The following ALG9 variants were observed in gnomAD, a reference collection of about 807,000 sequenced individuals.
ALG9 encodes the protein ALG9 alpha-1,2-mannosyltransferase.
In ALG9, 55 loss-of-function variants were observed where a neutral mutation model predicts 81.8. The ratio of observed to expected loss-of-function variants is 0.67; its 90% CI spans 0.54 to 0.84. The LOEUF (loss-of-function observed/expected upper bound fraction) is 0.84. ALG9 is among the 40% of genes least tolerant of loss of function. The pLI is 0.00. For missense variants in ALG9, 629 were observed against 745.0 expected (o/e 0.84, Z 1.81); for synonymous variants, 278 against 274.3 (o/e 1.01, Z -0.13).
At chr11:111,808,277 C>T (rs1950219308) in intron 14 of ALG9, among the ~76,000 whole-genome samples, 1 of 152,162 alleles carries the variant, frequency 6.6e-6, no homozygotes, top group Non-Finnish European at 1.5e-5. Flanking sequence ...CCAACCGTCC[C>T]TTCCTTGCCA....
Position 111,786,340 on chromosome 11 carries a change from G to C in ALG9, c.*57C>G. 2.5e-6 allele frequency: 4 copies of C among 1,609,988 alleles called. No homozygotes were observed. The highest frequency in any genetic ancestry group is 3.4e-6 in the Non-Finnish European group (4 of 1,177,700). On this transcript the variant is annotated 3_prime_UTR_variant, in exon 15 of 15. Transcript: ENST00000616540. ...ACAGGCGATGACTTGCAGGGAGTCA[G>C]GTCACTGGAATCAATAGTTAACAAG...
chr11:111,870,960 G>T, intron 1 of ALG9: 1 of 1,015,352 alleles, frequency 9.8e-7, no homozygotes, highest in East Asian at 1.0e-4. Context: ...CCAGGGTTTG[G>T]GAAGAGGTGA....
chr11:111,805,115 T>G (rs1411563107), intron 14 of ALG9: 1 of 359,844 alleles, frequency 2.8e-6, no homozygotes, highest in East Asian at 7.6e-5. Flanking sequence ...TATTTGGAGG[T>G]GGGCCTTTGG....
intron 14 of ALG9, among the ~76,000 whole-genome samples, chr11:111,806,966 C>A (rs1950017106): frequency 6.6e-6 from 1 of 152,126 alleles, no homozygotes; most frequent in Admixed American, 6.5e-5. Flanking sequence ...TTTCACACCT[C>A]AAATACAGTG....
Position 111,838,234 on chromosome 11 carries a change from T to G in ALG9, c.1324+15A>C, listed in dbSNP as rs1555119547. On this transcript the variant is annotated intron_variant, in intron 11 of 14. Transcript: ENST00000616540. ...GACTCGTCAGTGTAGGTTAAGATAT[T>G]CTTAGAAGATCTACCTCTGAACAGT... 1.2e-6 allele frequency: 2 copies of G among 1,613,874 alleles called. No homozygotes were observed. The highest frequency in any genetic ancestry group is 8.5e-7 in the Non-Finnish European group (1 of 1,179,814).
At chr11:111,832,661 T>C (rs1217196773) in intron 13 of ALG9, among the ~76,000 whole-genome samples, 1 of 152,240 alleles carries the variant, frequency 6.6e-6, no homozygotes, top group African/African-American at 2.4e-5. Flanking sequence ...TTACCACATA[T>C]TAATTTTTCA....
intron 7 of ALG9, 25 bp downstream of exon 7, chr11:111,853,624 A>C: frequency 6.2e-7 from 1 of 1,609,842 alleles, no homozygotes; most frequent in Non-Finnish European, 8.5e-7. Context: ...ACTTTAGGAC[A>C]AAGCAAGTAA....
chr11:111,777,542 T>A (rs1945735480), downstream of ALG9, among the ~76,000 whole-genome samples: 3 of 152,172 alleles, frequency 2.0e-5, no homozygotes, highest in South Asian at 6.2e-4. Flanking sequence ...GAGACAGTGA[T>A]ACTTGGGAGT....
At chr11:111,840,549 T>C in intron 10 of ALG9, 106 bp downstream of exon 10, 10 of 1,342,304 alleles carry the variant, frequency 7.4e-6, no homozygotes, top group Non-Finnish European at 1.1e-5. Flanking sequence ...ATGTTATGGA[T>C]AAAATATCTT....
rs1555064162 is a variant in ALG9 at position 111,786,466 on chromosome 11, T to C, written c.1788A>G (p.Thr596=). The change falls in exon 15 of 15, where the codon ACA becomes ACG. Residue 596 remains threonine (T), a synonymous_variant. Transcript: ENST00000616540. Reference sequence around the variant, plus strand: ...TGAGGATGGTGTAGTTTACGTACACTGTATACTGATCTGACAGGAAGGGGA... The same window carrying C: ...TGAGGATGGTGTAGTTTACGTACACCGTATACTGATCTGACAGGAAGGGGA... The part of the protein sequence containing the change: ...FYVPFLSDQY[T]VYVNYTILKP... 4.3e-6 allele frequency: 7 copies of C among 1,614,120 alleles called. No individual in the cohort carries two copies. In the South Asian group the frequency reaches 4.4e-5, roughly 10 times the overall value.
chr11:111,868,960 A>G (rs568273130), intron 2 of ALG9, among the ~76,000 whole-genome samples: 1 of 146,624 alleles, frequency 6.8e-6, no homozygotes, highest in East Asian at 2.0e-4. Context: ...ATCTCTACCA[A>G]AAAAAAAAAA....
chr11:111,848,700 C>A (rs1451850717), intron 8 of ALG9, among the ~76,000 whole-genome samples: 1 of 151,952 alleles, frequency 6.6e-6, no homozygotes, highest in Non-Finnish European at 1.5e-5. Context: ...TGAATAGTTT[C>A]TACCTAAAAT....
the ALG9 span, among the ~76,000 whole-genome samples, chr11:111,773,488 G>T: frequency 6.6e-6 from 1 of 151,894 alleles, no homozygotes; most frequent in African/African-American, 2.4e-5. Flanking sequence ...CAGGTGATTC[G>T]CCTGCCTTCG....
chr11:111,870,368 A>G lies in ALG9; in HGVS notation c.134T>C (p.Leu45Ser), dbSNP rs781820633. 4 of 1,537,898 alleles carry G rather than the reference A, an allele frequency of 2.6e-6. No individual in the cohort carries two copies. Among genetic ancestry groups the G allele is most frequent in the Non-Finnish European group, 3.5e-6 (4 of 1,150,660 alleles). ...EAGGAEHRTE[L>S]SGNKAGQVWA... Reference sequence around the variant, plus strand: ...GACTTGTCCTGCTTTGTTCCCAGATAACCTGTTCAAAAGCAAAAAAAAAAA... The same window carrying G: ...GACTTGTCCTGCTTTGTTCCCAGATGACCTGTTCAAAAGCAAAAAAAAAAA... Residue 45 changes from leucine (L) to serine (S), a missense_variant and splice_region_variant, in exon 2 of 15, where the codon TTA becomes TCA. Coordinates refer to ENST00000616540, the MANE Select transcript of ALG9 (RefSeq NM_024740.2).
At chr11:111,861,148 T>C (rs1243108216) in intron 4 of ALG9, among the ~76,000 whole-genome samples, 1 of 152,252 alleles carries the variant, frequency 6.6e-6, no homozygotes, top group Non-Finnish European at 1.5e-5. Context: ...AGGAGATAGA[T>C]GAAAATGTGA....
chr11:111,829,913 G>C (rs557785336), intron 13 of ALG9, among the ~76,000 whole-genome samples: 1 of 152,250 alleles, frequency 6.6e-6, no homozygotes, highest in South Asian at 2.1e-4. Flanking sequence ...GAGGGCCCCG[G>C]CTCAGGACAC....
At chr11:111,799,104 T>C (rs1398675967) in intron 14 of ALG9, among the ~76,000 whole-genome samples, 3 of 152,204 alleles carry the variant, frequency 2.0e-5, no homozygotes, top group East Asian at 1.9e-4. Flanking sequence ...CATCTTTAGG[T>C]TGCAACTCCC....
intron 4 of ALG9, among the ~76,000 whole-genome samples, chr11:111,861,770 CT>C (rs1252924075): frequency 1.3e-5 from 2 of 151,320 alleles, no homozygotes; most frequent in African/African-American, 2.4e-5. Context: ...AGGCTTCTTC[CT>C]TTTTTTTTCC....
intron 3 of ALG9, among the ~76,000 whole-genome samples, chr11:111,867,273 T>TG (rs1282497447): frequency 6.6e-6 from 1 of 152,156 alleles, no homozygotes; most frequent in Non-Finnish European, 1.5e-5. Flanking sequence ...ATAACAGACT[T>TG]GGGGGGAAAA....
Sources: gnomAD v4.1 joint callset for allele counts (sites outside exome capture counted in the v4.1 genomes callset) on GRCh38, gnomAD v4.1.1 for gene constraint, MANE v1.5 for transcripts, NCBI Gene and HGNC (gene_info 2026-07-23, HGNC 2026-07-21) for gene names.